Variants in CLEC12A observed in about 807,000 individuals in gnomAD.
CLEC12A encodes the protein C-type lectin protein CLL-1.
Under a neutral mutation model 26.5 loss-of-function variants are expected in CLEC12A, and 22 were observed. That is an observed-to-expected ratio of 0.83 (90% CI 0.59 to 1.19). The LOEUF (loss-of-function observed/expected upper bound fraction) is 1.19, where lower values mean the gene tolerates loss of function less well. Ranked by LOEUF, CLEC12A falls within the 50% of genes most tolerant of loss-of-function variation. The pLI, the probability that CLEC12A is intolerant of heterozygous loss-of-function variation, is 0.00. For missense variants in CLEC12A, 353 were observed against 315.6 expected, an observed-to-expected ratio of 1.12 and a Z score of -0.90; for synonymous variants, 119 against 101.9, an observed-to-expected ratio of 1.17 and a Z score of -1.01.
At chr12:9,961,295 C>T (rs1863825918) in intron 1 of CLEC12A, among the ~76,000 whole-genome samples, 1 of 152,166 alleles carries the variant, frequency 6.6e-6, no homozygotes, top group Admixed American at 6.5e-5. Flanking sequence ...GGCCTGAACC[C>T]ATCTCTCAGG....
rs117516870 is a variant in CLEC12A, at chr12:9,958,109, T to C, written c.10+6753T>C. 3.3e-3 allele frequency among the ~76,000 whole-genome samples: 506 copies of C among 152,316 alleles called. 1 individual carries two copies. Among genetic ancestry groups the C allele is most frequent in the Non-Finnish European group, 4.9e-3 (335 of 68,032 alleles). ...GGAAGGAGTGAATTAAAGTGACTTC[T>C]GAAACTAGAGGGTATAATGTGAAGG... On this transcript the variant is annotated intron_variant, in intron 1 of 6. Transcript: ENST00000355690.
chr12:9,980,145 T>C (rs1233205398), intron 3 of CLEC12A, among the ~76,000 whole-genome samples: 1 of 152,132 alleles, frequency 6.6e-6, no homozygotes, highest in Non-Finnish European at 1.5e-5. Flanking sequence ...TTAAAGAATA[T>C]ACAAAATAAC....
rs1187967238 is a variant in CLEC12A, at chr12:9,985,082, T to G, written c.*56T>G. On this transcript the variant is annotated 3_prime_UTR_variant, in exon 6 of 6. Transcript: ENST00000304361. ...GGGGGTGGGGGTTCTAGGCTATAGG[T>G]AAATTTAAATATTTTCTGGTTGACA... 4 of 1,315,692 alleles carry G rather than the reference T, an allele frequency of 3.0e-6. No individual in the cohort carries two copies. The highest frequency in any genetic ancestry group is 1.5e-5 in the African/African-American group (1 of 65,664). The allele number at this position is 1,315,692 out of a possible 1,614,324, so 81.5% of individuals were successfully genotyped here.
At chr12:9,995,989 A>T (rs1215722595), downstream of CLEC12A, among the ~76,000 whole-genome samples, 1 of 152,172 alleles carries the variant, frequency 6.6e-6, no homozygotes, top group Non-Finnish European at 1.5e-5. Flanking sequence ...GAATCAATCA[A>T]TCTATGGGTA....
At chr12:9,974,244 C>T (rs1864244569) in intron 1 of CLEC12A, among the ~76,000 whole-genome samples, 1 of 152,178 alleles carries the variant, frequency 6.6e-6, no homozygotes, top group South Asian at 2.1e-4. Flanking sequence ...ATGGCTTCTC[C>T]TGTCACCATG....
chr12:9,955,782 T>A (rs1863733438), intron 1 of CLEC12A, among the ~76,000 whole-genome samples: 2 of 152,172 alleles, frequency 1.3e-5, no homozygotes, highest in Non-Finnish European at 2.9e-5. Flanking sequence ...AAGAAAAACC[T>A]CCTGCAGTGT....
chr12:9,994,955 G>A (rs1208571289), intron 4 of CLEC12A: 1 of 1,457,570 alleles, frequency 6.9e-7, no homozygotes, highest in Non-Finnish European at 9.1e-7. Context: ...TAGATAAAGA[G>A]CAAAGTAATG....
chr12:9,980,832 T>A (rs1864529611), intron 4 of CLEC12A, 99 bp downstream of exon 4: 1 of 1,313,950 alleles, frequency 7.6e-7, no homozygotes, highest in Non-Finnish European at 1.1e-6. Context: ...TTATTTCAGT[T>A]GGGGTGTGAA....
the CLEC12A span, among the ~76,000 whole-genome samples, chr12:10,004,056 T>A: frequency 6.6e-6 from 1 of 152,202 alleles, no homozygotes; most frequent in Non-Finnish European, 1.5e-5. Context: ...CATGTCTGTC[T>A]GTTTGACTGT....
At position 9,979,068 on chromosome 12, in the gene CLEC12A, T is replaced by G; in HGVS notation, c.190+4T>G. 6.2e-7 allele frequency: 1 copy of G among 1,606,480 alleles called. No individual in the cohort carries two copies. On this transcript the variant is annotated splice_donor_region_variant and intron_variant, in intron 2 of 5. Coordinates refer to ENST00000304361, the MANE Select transcript of CLEC12A (RefSeq NM_138337.6). ...TTGGGAGTCTTGGCAAGCATGTGTA[T>G]GTACTGCCCCTGTTTTTGTCAAGAG...
upstream of CLEC12A, among the ~76,000 whole-genome samples, chr12:9,966,829 C>A (rs1265243543): frequency 1.9e-5 from 2 of 104,128 alleles, 1 homozygote; most frequent in Non-Finnish European, 4.1e-5. Context: ...GGCCTTTTGA[C>A]CTTTTAGGAT....
intron 1 of CLEC12A, among the ~76,000 whole-genome samples, chr12:9,964,718 G>C (rs1322536764): frequency 6.6e-6 from 1 of 152,126 alleles, no homozygotes; most frequent in African/African-American, 2.4e-5. Context: ...TTCCACGATG[G>C]AAAGGAAATG....
upstream of CLEC12A, among the ~76,000 whole-genome samples, chr12:9,969,992 A>G (rs1864067228): frequency 6.6e-6 from 1 of 152,248 alleles, no homozygotes; most frequent in Non-Finnish European, 1.5e-5. Context: ...AAGCAACATT[A>G]GTAAAGTACT....
chr12:9,951,555 G>C, intron 1 of CLEC12A: 1 of 572,154 alleles, frequency 1.7e-6, no homozygotes, highest in Non-Finnish European at 3.1e-6. Flanking sequence ...TGTGGGTCCA[G>C]ACAGCAGGAT....
chr12:9,979,857 A>T (rs2137182866), intron 3 of CLEC12A, among the ~76,000 whole-genome samples: 1 of 152,224 alleles, frequency 6.6e-6, no homozygotes, highest in East Asian at 1.9e-4. Context: ...ACACCTCTTT[A>T]CAGGTGACTT....
At position 9,979,360 on chromosome 12, in the gene CLEC12A, T is replaced by TG; in HGVS notation, c.216dup (p.Lys73GlufsTer11). 1 of 1,597,680 alleles carries TG rather than the reference T, an allele frequency of 6.3e-7. No homozygotes were observed. The highest frequency in any genetic ancestry group is 1.7e-4 in the Middle Eastern group (1 of 6,024). On this transcript the variant is annotated frameshift_variant, in exon 3 of 6. Coordinates refer to ENST00000304361, the MANE Select transcript of CLEC12A (RefSeq NM_138337.6). LOFTEE classifies it high-confidence loss of function. ...GTTCACGTAACTTTGAAGATAGAAA[T>TG]GAAAAAAATGAACAAACTACAAAAC...
downstream of CLEC12A, chr12:9,996,718 A>T (rs1178998457): frequency 1.1e-6 from 1 of 925,146 alleles, no homozygotes; most frequent in African/African-American, 1.6e-5. Context: ...ACTAGGTTTC[A>T]CAAGGGTCTT....
chr12:9,968,035 T>G (rs898809798), upstream of CLEC12A, among the ~76,000 whole-genome samples: 3 of 151,890 alleles, frequency 2.0e-5, no homozygotes, highest in Non-Finnish European at 2.9e-5. Flanking sequence ...AAGAGAGAGA[T>G]TGAAGGGTGA....
intron 5 of CLEC12A, chr12:9,983,569 C>A (rs1044078370): frequency 7.2e-6 from 5 of 691,474 alleles, no homozygotes; most frequent in Non-Finnish European, 1.3e-5. Context: ...TCTCAACCTG[C>A]TGGACACTAT....
Sources: allele counts gnomAD v4.1 joint callset (sites outside exome capture counted in the v4.1 genomes callset), GRCh38; gene constraint gnomAD v4.1.1; transcripts MANE v1.5; gene names NCBI Gene and HGNC (gene_info 2026-07-23, HGNC 2026-07-21).